TRAPPC11: variants seen among roughly 807,000 people sequenced by gnomAD.
The protein encoded by TRAPPC11 is foie gras homolog.
In TRAPPC11, 104 loss-of-function variants were observed where a neutral mutation model predicts 151.2. The observed-to-expected ratio is 0.69, with a 90% CI of 0.59 to 0.81. The LOEUF (loss-of-function observed/expected upper bound fraction) is 0.81, where lower values mean the gene tolerates loss of function less well. Among genes scored for constraint, TRAPPC11 ranks in the 30% least tolerant of loss-of-function variants. TRAPPC11 has a pLI of 0.00. For synonymous variants in TRAPPC11, 456 were observed against 472.3 expected, an observed-to-expected ratio of 0.97 and a Z score of 0.45; for missense variants, 1,230 against 1,349.6, an observed-to-expected ratio of 0.91 and a Z score of 1.39.
At position 183,672,698 on chromosome 4, in the gene TRAPPC11, C is replaced by T. The variant is rs1735212776; in HGVS notation, c.561-2015C>T. Among the ~76,000 whole-genome samples the T allele has an allele frequency of 1.3e-5, 2 of 152,292 alleles. 1 individual carries two copies. Among genetic ancestry groups the T allele is most frequent in the South Asian group, 4.1e-4 (2 of 4,828 alleles). On this transcript the variant is annotated intron_variant, in intron 5 of 29. Coordinates refer to ENST00000334690, the MANE Select transcript of TRAPPC11 (RefSeq NM_021942.6). ...CCTCAGTTTAGAGGAAATAATAGCA[C>T]TTACCAAGCCTACTTACTCTCAGTC...
chr4:183,677,646 G>A (rs1735480727), intron 8 of TRAPPC11, 92 bp downstream of exon 8: 3 of 780,696 alleles, frequency 3.8e-6, no homozygotes, highest in Non-Finnish European at 6.5e-6. Context: ...TTCTTGCTCT[G>A]AAAAGTTAGT....
At chr4:183,671,195 T>C (rs1284382527) in intron 5 of TRAPPC11, among the ~76,000 whole-genome samples, 1 of 152,192 alleles carries the variant, frequency 6.6e-6, no homozygotes, top group East Asian at 1.9e-4. Context: ...TAGTTTAAAA[T>C]TATTTGAAGC....
intron 4 of TRAPPC11, 42 bp downstream of exon 4, chr4:183,667,172 C>T (rs1265435023): frequency 6.7e-7 from 1 of 1,487,980 alleles, no homozygotes; most frequent in East Asian, 2.3e-5. Context: ...TTTATACCTC[C>T]AATTCTTATT....
At chr4:183,662,294 T>G (rs551575336) in intron 1 of TRAPPC11, among the ~76,000 whole-genome samples, 2 of 147,076 alleles carry the variant, frequency 1.4e-5, no homozygotes, top group South Asian at 4.3e-4. Flanking sequence ...AGGTGGAGGT[T>G]GTAGTGAGCT....
intron 23 of TRAPPC11, among the ~76,000 whole-genome samples, chr4:183,694,974 G>A (rs1353401635): frequency 7.3e-6 from 1 of 137,868 alleles, no homozygotes; most frequent in Non-Finnish European, 1.5e-5. Flanking sequence ...TTGAGGCGGA[G>A]TTTTGCCCTT....
chr4:183,694,650 T>C lies in TRAPPC11; in HGVS notation c.2555T>C (p.Met852Thr). The change falls in exon 23 of 30, where the codon ATG becomes ACG. Residue 852 changes from methionine (M) to threonine (T), a missense_variant. Met to Thr is a moderately conservative substitution (Grantham distance 81, BLOSUM62 -1). Transcript: ENST00000334690. Reference protein sequence around the residue: ...YVRCGTVGSRMFLVYVSYLIN... With the variant: ...YVRCGTVGSRTFLVYVSYLIN... The stretch of plus-strand genomic sequence containing the variant: ...CGCTGTGGAACAGTGGGTTCCAGAA[T>C]GTTTCTTGTATATGTTTCTTACCTG... 6.2e-7 allele frequency: 1 copy of C among 1,612,742 alleles called. No homozygotes were observed. Among genetic ancestry groups the C allele is most frequent in the South Asian group, 1.1e-5 (1 of 90,594 alleles).
At chr4:183,684,563 A>G (rs562807155) in intron 14 of TRAPPC11, 133 bp from the exon 15 acceptor site, 1 of 1,079,414 alleles carries the variant, frequency 9.3e-7, no homozygotes, top group Non-Finnish European at 1.3e-6. Context: ...GCTAAATATG[A>G]GAATACCTGT....
At chr4:183,712,501 G>T in intron 29 of TRAPPC11, 99 bp from the exon 30 acceptor site, 5 of 1,184,400 alleles carry the variant, frequency 4.2e-6, no homozygotes, top group East Asian at 2.3e-5. Flanking sequence ...TTCTGTTTTT[G>T]TAAAACAGTT....
At chr4:183,672,860 GT>G (rs1375425877) in intron 5 of TRAPPC11, among the ~76,000 whole-genome samples, 2 of 150,722 alleles carry the variant, frequency 1.3e-5, no homozygotes, top group East Asian at 3.9e-4. Context: ...AGGATTTTTT[GT>G]TTTTGTTTTT....
chr4:183,678,056 A>G (rs1735500350), intron 8 of TRAPPC11, among the ~76,000 whole-genome samples: 1 of 151,292 alleles, frequency 6.6e-6, no homozygotes, highest in Non-Finnish European at 1.5e-5. Context: ...CTTCTGCCTC[A>G]GCCTTCTGAG....
rs995055862 is a variant in TRAPPC11 at position 183,708,484 on chromosome 4, G to A, written c.3267G>A (p.Gln1089=). The change falls in exon 29 of 30, where the codon CAG becomes CAA. Residue 1089 remains glutamine (Q), a synonymous_variant. Transcript: ENST00000334690. Reference sequence around the variant, plus strand: ...ATCCTCTGATGGCTGGATACCAGCAGCTGCCATCTCTCAACATCAACTTGC... The same window carrying A: ...ATCCTCTGATGGCTGGATACCAGCAACTGCCATCTCTCAACATCAACTTGC... ...NFYPLMAGYQ[Q]LPSLNINLLR... is the part of the protein sequence containing the mutation. The A allele has an allele frequency of 6.2e-7, 1 of 1,614,116 alleles. No individual in the cohort carries two copies. Among genetic ancestry groups the A allele is most frequent in the African/African-American group, 1.3e-5 (1 of 75,052 alleles).
At chr4:183,674,273 C>T (rs1211853012) in intron 5 of TRAPPC11, among the ~76,000 whole-genome samples, 1 of 151,970 alleles carries the variant, frequency 6.6e-6, no homozygotes, top group Admixed American at 6.6e-5. Flanking sequence ...TAAAAATTAG[C>T]TAGGCATGGT....
chr4:183,684,490 TG>T (rs1735863275), intron 14 of TRAPPC11, 131 bp downstream of exon 14: 17 of 1,073,310 alleles, frequency 1.6e-5, no homozygotes, highest in Non-Finnish European at 2.3e-5. Context: ...ATTTCTGTAA[TG>T]TTTTTTTCAA....
At chr4:183,702,270 A>G (rs1022965043) in intron 26 of TRAPPC11, among the ~76,000 whole-genome samples, 4 of 152,054 alleles carry the variant, frequency 2.6e-5, no homozygotes, top group East Asian at 1.9e-4. Context: ...CTTGAGCTCA[A>G]AAAGTGGAGG....
At chr4:183,701,831 CT>C (rs1302748199) in intron 26 of TRAPPC11, 23 bp downstream of exon 26, 1 of 1,422,282 alleles carries the variant, frequency 7.0e-7, no homozygotes, top group African/African-American at 1.4e-5. Context: ...TCAATCCTGT[CT>C]TTTCTTCAAT....
Position 183,713,125 on chromosome 4 carries a change from G to C in TRAPPC11, c.*481G>C, listed in dbSNP as rs1456499514. 6.5e-6 allele frequency: 1 copy of C among 153,396 alleles called. No homozygotes were observed. The highest frequency in any genetic ancestry group is 1.5e-5 in the Non-Finnish European group (1 of 68,916). The allele number at this position is 153,396 out of a possible 1,614,324, so 9.5% of individuals were successfully genotyped here. ...CACATACACAACAACATAGGGAGTT[G>C]TATGACTGATACGGAAAACTTCCAG... On this transcript the variant is annotated 3_prime_UTR_variant, in exon 30 of 30. Transcript: ENST00000334690.
chr4:183,676,125 A>G (rs904816732), intron 7 of TRAPPC11, among the ~76,000 whole-genome samples: 2 of 152,064 alleles, frequency 1.3e-5, no homozygotes, highest in African/African-American at 4.8e-5. Context: ...AATCTCAACA[A>G]CTTCATATAA....
At chr4:183,706,702 A>G (rs2111101339) in intron 27 of TRAPPC11, 105 bp from the exon 28 acceptor site, 1 of 1,277,258 alleles carries the variant, frequency 7.8e-7, no homozygotes, top group East Asian at 2.4e-5. Flanking sequence ...AACGTCATTA[A>G]TTTAAATGAT....
rs372771070 is a variant in TRAPPC11 at position 183,693,637 on chromosome 4, C to T, written c.2286C>T (p.Pro762=). 9.3e-5 allele frequency: 150 copies of T among 1,613,890 alleles called. No individual in the cohort carries two copies. Among genetic ancestry groups the T allele is most frequent in the Non-Finnish European group, 1.2e-4 (141 of 1,180,020 alleles). The change falls in exon 21 of 30, where the codon CCC becomes CCT. Residue 762 remains proline, a synonymous_variant. Transcript: ENST00000334690. ...TTTCTGTACATCTGCTACATGAACC[C>T]CCTGCACTGACTAATGAAATGTATT... ...PNISVHLLHE[P]PALTNEMYCL...
Sources: allele counts gnomAD v4.1 joint callset (sites outside exome capture counted in the v4.1 genomes callset), GRCh38; gene constraint gnomAD v4.1.1; transcripts MANE v1.5; gene names NCBI Gene and HGNC (gene_info 2026-07-23, HGNC 2026-07-21).